PTPRN2: variants seen among roughly 807,000 people sequenced by gnomAD.
PTPRN2 encodes the protein protein tyrosine phosphatase receptor type N2, also known as receptor-type tyrosine-protein phosphatase N2.
In PTPRN2, 74 loss-of-function variants were observed where a neutral mutation model predicts 118.8. The ratio of observed to expected loss-of-function variants is 0.62; its 90% CI spans 0.52 to 0.76. The LOEUF (loss-of-function observed/expected upper bound fraction) is 0.76. PTPRN2 is among the 30% of genes least tolerant of loss of function. PTPRN2 has a pLI of 0.00. For synonymous variants in PTPRN2, 641 were observed against 608.0 expected, an observed-to-expected ratio of 1.05 and a Z score of -0.80; for missense variants, 1,481 against 1,394.4, an observed-to-expected ratio of 1.06 and a Z score of -0.99.
intron 12 of PTPRN2, among the ~76,000 whole-genome samples, chr7:157,782,966 T>TG (rs1803774597): frequency 1.3e-5 from 2 of 152,184 alleles, no homozygotes; most frequent in Non-Finnish European, 2.9e-5. Context: ...CCCCACATGT[T>TG]GGGGGAGTGA....
chr7:157,650,294 C>A (rs1399725730), intron 14 of PTPRN2, among the ~76,000 whole-genome samples: 1 of 152,230 alleles, frequency 6.6e-6, no homozygotes, highest in African/African-American at 2.4e-5. Flanking sequence ...CAGGGCACAC[C>A]CCCACCCGCC....
intron 1 of PTPRN2, among the ~76,000 whole-genome samples, chr7:158,499,467 C>T (rs1822193606): frequency 6.6e-6 from 1 of 152,180 alleles, no homozygotes; most frequent in East Asian, 1.9e-4. Flanking sequence ...AATTCTTCAT[C>T]ACCCGGATAA....
chr7:158,567,368 C>T (rs932939719), intron 1 of PTPRN2, among the ~76,000 whole-genome samples: 3 of 152,176 alleles, frequency 2.0e-5, no homozygotes, highest in Non-Finnish European at 2.9e-5. Context: ...CGAGGCCAGC[C>T]GTGCCTGCGA....
At chr7:158,068,493 G>A (rs367984284) in intron 11 of PTPRN2, among the ~76,000 whole-genome samples, 18 of 152,322 alleles carry the variant, frequency 1.2e-4, no homozygotes, top group East Asian at 9.6e-4. Flanking sequence ...AACGGAGGCC[G>A]CGTCCTCAGG....
chr7:157,844,683 G>C (rs1431049636), intron 12 of PTPRN2, among the ~76,000 whole-genome samples: 1 of 152,224 alleles, frequency 6.6e-6, no homozygotes, highest in East Asian at 1.9e-4. Flanking sequence ...TCCACTTCTA[G>C]TACGAGAGGC....
At chr7:157,796,996 C>T (rs1035891962) in intron 12 of PTPRN2, among the ~76,000 whole-genome samples, 20 of 152,150 alleles carry the variant, frequency 1.3e-4, no homozygotes, top group Admixed American at 1.0e-3. Flanking sequence ...CCTCGAGTTC[C>T]GACTCGCCGC....
rs747680176 is a variant in PTPRN2 at position 158,470,797 on chromosome 7, C to A, written c.163+18938G>T. Among the ~76,000 whole-genome samples, 10 of 151,946 alleles carry A rather than the reference C, an allele frequency of 6.6e-5. No individual in the cohort carries two copies. In the East Asian group the frequency reaches 1.2e-3, roughly 18 times the overall value. On this transcript the variant is annotated intron_variant, in intron 2 of 22. Coordinates refer to ENST00000389418, the MANE Select transcript of PTPRN2 (RefSeq NM_002847.5). ...GCTCATGTTACAGTGAAATGCGTGA[C>A]CTTAGGTGTGTGTTTCCGTGAGATT...
chr7:158,337,199 T>A (rs1805776176), intron 2 of PTPRN2, among the ~76,000 whole-genome samples: 1 of 152,010 alleles, frequency 6.6e-6, no homozygotes, highest in African/African-American at 2.4e-5. Flanking sequence ...ACTCTCACCA[T>A]AAGAGGTGAC....
intron 12 of PTPRN2, among the ~76,000 whole-genome samples, chr7:157,751,692 C>T (rs1045245620): frequency 2.0e-5 from 3 of 152,018 alleles, no homozygotes; most frequent in Admixed American, 6.6e-5. Flanking sequence ...GTGGAAAGCC[C>T]GACATCACTT....
intron 10 of PTPRN2, among the ~76,000 whole-genome samples, chr7:158,090,165 A>G (rs1188519957): frequency 2.6e-4 from 34 of 132,584 alleles, no homozygotes; most frequent in African/African-American, 7.9e-4. Context: ...TGAAAGAGGG[A>G]GTCTTCACAC....
intron 12 of PTPRN2, among the ~76,000 whole-genome samples, chr7:157,853,082 C>T (rs527907446): frequency 1.3e-5 from 2 of 152,238 alleles, no homozygotes; most frequent in African/African-American, 2.4e-5. Flanking sequence ...GCCTCCAGAT[C>T]AGCAGGCAGT....
intron 12 of PTPRN2, among the ~76,000 whole-genome samples, chr7:157,734,643 A>G (rs1336462736): frequency 1.3e-5 from 2 of 152,226 alleles, no homozygotes; most frequent in Admixed American, 6.5e-5. Context: ...AACAGTCTCT[A>G]TTCTTAACTC....
intron 2 of PTPRN2, among the ~76,000 whole-genome samples, chr7:158,376,351 G>C (rs1810506286): frequency 6.7e-6 from 1 of 148,870 alleles, no homozygotes; most frequent in African/African-American, 2.5e-5. Flanking sequence ...CGTGGGGTTA[G>C]GGGACTCTCC....
At chr7:157,800,046 C>T (rs901128668) in intron 12 of PTPRN2, among the ~76,000 whole-genome samples, 3 of 151,260 alleles carry the variant, frequency 2.0e-5, no homozygotes, top group Non-Finnish European at 4.4e-5. Context: ...AGAGGCACCA[C>T]AGCCGGCCTC....
rs528420217 is a variant in PTPRN2 at position 158,247,680 on chromosome 7, G to A, written c.278-42407C>T. Among the ~76,000 whole-genome samples, 8 of 152,254 alleles carry A rather than the reference G, an allele frequency of 5.3e-5. No individual in the cohort carries two copies. The South Asian group carries it at 1.0e-3, about 20-fold the overall frequency. ...GGCCCAGGCTGGAGTGCTATGGTGCGATCTTGGCTCACTGCAATCTCCGCC... is the reference window on the plus strand; with the variant it reads ...GGCCCAGGCTGGAGTGCTATGGTGCAATCTTGGCTCACTGCAATCTCCGCC... On this transcript the variant is annotated intron_variant, in intron 3 of 22. Transcript: ENST00000389418.
rs1418648681 is a variant in PTPRN2 at position 157,671,284 on chromosome 7, A to C, written c.2001+11441T>G. 6.6e-6 allele frequency among the ~76,000 whole-genome samples: 1 copy of C among 152,086 alleles called. No individual in the cohort carries two copies. Among genetic ancestry groups the C allele is most frequent in the East Asian group, 1.9e-4 (1 of 5,156 alleles). On this transcript the variant is annotated intron_variant, in intron 13 of 22. Transcript: ENST00000389418. The surrounding 1 kb of genome is among the most constrained non-coding windows in gnomAD (Gnocchi z 4.1). ...ACGGGCTGGTCTGGTGTGGGCAACA[A>C]GGCCCGCTCTGCACCCAGGCCTGCC...
Position 158,474,856 on chromosome 7 carries a change from C to T in PTPRN2, c.163+14879G>A, listed in dbSNP as rs114922148. Among the ~76,000 whole-genome samples the T allele has an allele frequency of 3.9e-3, 600 of 152,270 alleles. 4 individuals are homozygous for T. Among genetic ancestry groups the T allele is most frequent in the African/African-American group, 0.014 (566 of 41,560 alleles). On this transcript the variant is annotated intron_variant, in intron 2 of 22. Transcript: ENST00000389418. ...CGGGAGAGAAGTCAAAGAGAGAGGC[C>T]GGGTGATGCCACGGGGTGCCCTGTG...
rs1200107853 is a variant in PTPRN2 at position 157,845,127 on chromosome 7, G to A, written c.1788+53546C>T. Among the ~76,000 whole-genome samples, 2 of 152,188 alleles carry A rather than the reference G, an allele frequency of 1.3e-5. No homozygotes were observed. Among genetic ancestry groups the A allele is most frequent in the East Asian group, 1.9e-4 (1 of 5,188 alleles). ...CAGCCCTGACCTCACGTTGGTCCACGACGGGCAGAGAGCAACTTGGATGGC... is the reference window on the plus strand; with the variant it reads ...CAGCCCTGACCTCACGTTGGTCCACAACGGGCAGAGAGCAACTTGGATGGC... On this transcript the variant is annotated intron_variant, in intron 12 of 22. Coordinates refer to ENST00000389418, the MANE Select transcript of PTPRN2 (RefSeq NM_002847.5). The surrounding 1 kb of genome is among the most constrained non-coding windows in gnomAD (Gnocchi z 4.5).
chr7:158,398,997 TATAA>T (rs556607001), intron 2 of PTPRN2, among the ~76,000 whole-genome samples: 29 of 152,364 alleles, frequency 1.9e-4, no homozygotes, highest in African/African-American at 6.3e-4. Flanking sequence ...TCCCTGGAGT[TATAA>T]ATGTCTTATG....
Sources: gnomAD v4.1 joint callset for allele counts (sites outside exome capture counted in the v4.1 genomes callset) on GRCh38, gnomAD v4.1.1 for gene constraint, Gnocchi (gnomAD v3.1) non-coding constraint, MANE v1.5 for transcripts, NCBI Gene and HGNC (gene_info 2026-07-23, HGNC 2026-07-21) for gene names.